Variants in RAB2A observed in about 807,000 individuals in gnomAD.
RAB2A encodes RAB2A, member RAS oncogene family, also known as ras-related protein Rab-2A.
RAB2A carries 7 observed loss-of-function variants against 32.5 expected under a neutral mutation model. The ratio of observed to expected loss-of-function variants is 0.22; its 90% CI spans 0.12 to 0.40. RAB2A has a LOEUF of 0.40. RAB2A is among the 10% of genes least tolerant of loss of function. The probability of loss-of-function intolerance (pLI) is 1.00; values close to 1 mark genes in which losing one functional copy is unlikely to be tolerated. For missense variants in RAB2A, 108 were observed against 260.7 expected (o/e 0.41, Z 4.03); for synonymous variants, 79 against 85.2 (o/e 0.93, Z 0.40).
At chr8:60,547,853 G>A (rs1169552065) in intron 1 of RAB2A, among the ~76,000 whole-genome samples, 4 of 120,104 alleles carry the variant, frequency 3.3e-5, no homozygotes, top group East Asian at 2.6e-4. Flanking sequence ...CCTCCCTCCT[G>A]GACGGGGCGG....
intron 6 of RAB2A, among the ~76,000 whole-genome samples, chr8:60,612,285 T>A (rs985402500): frequency 2.6e-5 from 4 of 152,214 alleles, no homozygotes; most frequent in African/African-American, 9.7e-5. Context: ...ACCTTTCTAA[T>A]CAAATAGTTC....
In RAB2A at chr8:60,620,815, T is replaced by A; in HGVS notation, c.*46T>A. Reference sequence around the variant, plus strand: ...TGCCCAACGGGGCCTACTCACTTATTCTTTCACCCCCTCTCCTCCTGCTCA... The same window carrying A: ...TGCCCAACGGGGCCTACTCACTTATACTTTCACCCCCTCTCCTCCTGCTCA... On this transcript the variant is annotated 3_prime_UTR_variant, in exon 8 of 8. Transcript: ENST00000262646. 6.6e-7 allele frequency: 1 copy of A among 1,504,024 alleles called. No individual in the cohort carries two copies. 93.2% of individuals were successfully genotyped at this position (1,504,024 alleles called of 1,614,324 possible).
chr8:60,545,309 A>C (rs1253034086), intron 1 of RAB2A, among the ~76,000 whole-genome samples: 1 of 151,790 alleles, frequency 6.6e-6, no homozygotes, highest in African/African-American at 2.4e-5. Context: ...CCTTTTTTTT[A>C]ATTTTTATTT....
intron 6 of RAB2A, among the ~76,000 whole-genome samples, chr8:60,595,655 A>C (rs1213974056): frequency 6.6e-6 from 1 of 152,200 alleles, no homozygotes; most frequent in Non-Finnish European, 1.5e-5. Context: ...TTATATAATG[A>C]TAAAAGAATC....
chr8:60,525,454 A>G (rs1177808734), intron 1 of RAB2A, among the ~76,000 whole-genome samples: 3 of 152,194 alleles, frequency 2.0e-5, no homozygotes, highest in Non-Finnish European at 4.4e-5. Context: ...TCTTTATAGC[A>G]GTGTGAAAAC....
chr8:60,611,025 C>T (rs1173643631), intron 6 of RAB2A, among the ~76,000 whole-genome samples: 6 of 152,166 alleles, frequency 3.9e-5, no homozygotes, highest in Non-Finnish European at 8.8e-5. Context: ...AAACCAAAAG[C>T]GGAGTCATCC....
intron 1 of RAB2A, among the ~76,000 whole-genome samples, chr8:60,546,580 T>C (rs1248023651): frequency 1.3e-5 from 2 of 152,236 alleles, no homozygotes; most frequent in African/African-American, 2.4e-5. Context: ...GAAGAAGTGA[T>C]CCATGTTGGA....
At chr8:60,521,445 G>A (rs1268780183) in intron 1 of RAB2A, among the ~76,000 whole-genome samples, 1 of 151,968 alleles carries the variant, frequency 6.6e-6, no homozygotes, top group Non-Finnish European at 1.5e-5. Context: ...GGTTATGTAG[G>A]GAAGAAAAAT....
At chr8:60,521,872 T>C (rs528495940) in intron 1 of RAB2A, among the ~76,000 whole-genome samples, 4 of 152,298 alleles carry the variant, frequency 2.6e-5, no homozygotes, top group African/African-American at 9.6e-5. Context: ...TCCACTCACC[T>C]CGGCCTCCTT....
intron 6 of RAB2A, among the ~76,000 whole-genome samples, chr8:60,605,136 A>G (rs1166555772): frequency 6.6e-6 from 1 of 152,194 alleles, no homozygotes; most frequent in African/African-American, 2.4e-5. Context: ...TTCCAGCTGT[A>G]GCTCAAAGGG....
chr8:60,617,176 A>G (rs981816434), intron 6 of RAB2A, among the ~76,000 whole-genome samples: 8 of 152,124 alleles, frequency 5.3e-5, no homozygotes, highest in African/African-American at 1.9e-4. Flanking sequence ...AGCATTCGTA[A>G]TATTTATATA....
At chr8:60,579,232 G>A (rs546026097) in intron 3 of RAB2A, among the ~76,000 whole-genome samples, 91 of 152,030 alleles carry the variant, frequency 6.0e-4, no homozygotes, top group Admixed American at 1.4e-3. Flanking sequence ...TTGTAGAGAC[G>A]GGGTTTCACC....
intron 3 of RAB2A, among the ~76,000 whole-genome samples, chr8:60,578,962 T>C (rs1803687991): frequency 6.6e-6 from 1 of 152,190 alleles, no homozygotes; most frequent in South Asian, 2.1e-4. Flanking sequence ...TGAGCATGTT[T>C]TTATCTCTTA....
At chr8:60,559,189 G>C (rs572054978) in intron 2 of RAB2A, 9 of 339,982 alleles carry the variant, frequency 2.6e-5, no homozygotes, top group African/African-American at 1.1e-4. Context: ...CAATTTAAGA[G>C]ACAGTATCCA....
chr8:60,585,050 A>G (rs530556544), intron 5 of RAB2A, among the ~76,000 whole-genome samples: 1 of 152,332 alleles, frequency 6.6e-6, no homozygotes, highest in Non-Finnish European at 1.5e-5. Flanking sequence ...TTAAAAAGTA[A>G]TCTGAAGGAG....
chr8:60,576,042 C>T (rs1403878764), intron 3 of RAB2A, among the ~76,000 whole-genome samples: 2 of 152,158 alleles, frequency 1.3e-5, no homozygotes, highest in African/African-American at 4.8e-5. Flanking sequence ...CTTTCTTTTG[C>T]CAGTAGTGAG....
At chr8:60,557,484 C>G (rs1443225391) in intron 1 of RAB2A, among the ~76,000 whole-genome samples, 1 of 152,160 alleles carries the variant, frequency 6.6e-6, no homozygotes, top group Non-Finnish European at 1.5e-5. Flanking sequence ...CCACTGCACT[C>G]CAGCCTGGGT....
rs373083290 is a variant in RAB2A, at chr8:60,578,859, A to G, written c.187-5349A>G. 3.0e-4 allele frequency among the ~76,000 whole-genome samples: 46 copies of G among 152,328 alleles called. No individual in the cohort carries two copies. In the South Asian group the frequency reaches 3.3e-3, roughly 11 times the overall value. On this transcript the variant is annotated intron_variant, in intron 3 of 7. Transcript: ENST00000262646. The stretch of plus-strand genomic sequence containing the variant: ...TTTAAAATTATGGTGCAAAGGATCA[A>G]TTTTGATTTAGCAATCCTCACATGA...
intron 1 of RAB2A, among the ~76,000 whole-genome samples, chr8:60,532,353 C>A (rs1807489583): frequency 6.6e-6 from 1 of 152,088 alleles, no homozygotes; most frequent in African/African-American, 2.4e-5. Flanking sequence ...CTTTACTTGA[C>A]ACAAAAATTA....
Sources: allele counts gnomAD v4.1 joint callset (sites outside exome capture counted in the v4.1 genomes callset), GRCh38; gene constraint gnomAD v4.1.1; transcripts MANE v1.5; gene names NCBI Gene and HGNC (gene_info 2026-07-23, HGNC 2026-07-21).